SORCS2: variants seen among roughly 807,000 people sequenced by gnomAD.
SORCS2 encodes the protein sortilin related VPS10 domain containing receptor 2.
In SORCS2, 100 loss-of-function variants were observed where a neutral mutation model predicts 141.6. The observed-to-expected ratio is 0.71, with a 90% CI of 0.60 to 0.83. The LOEUF (loss-of-function observed/expected upper bound fraction) is 0.83. Among genes scored for constraint, SORCS2 ranks in the 40% least tolerant of loss-of-function variants. The probability of loss-of-function intolerance (pLI) is 0.00; values close to 1 mark genes in which losing one functional copy is unlikely to be tolerated. For missense variants in SORCS2, 1,646 were observed against 1,560.2 expected (o/e 1.05, Z -0.93); for synonymous variants, 789 against 676.9 (o/e 1.17, Z -2.57).
At chr4:7,733,462 G>T in intron 24 of SORCS2, 41 bp downstream of exon 24, 1 of 1,485,218 alleles carries the variant, frequency 6.7e-7, no homozygotes, top group South Asian at 1.2e-5. Context: ...GGTGGAGGAG[G>T]CATCCGGGCC....
chr4:7,672,401 T>G (rs906761243), intron 8 of SORCS2, among the ~76,000 whole-genome samples: 1 of 152,228 alleles, frequency 6.6e-6, no homozygotes, highest in Admixed American at 6.5e-5. Flanking sequence ...CTGAAAGAAT[T>G]TGATGAAGGT....
At chr4:7,215,150 G>A (rs80024632) in intron 1 of SORCS2, among the ~76,000 whole-genome samples, 48,009 of 151,906 alleles carry the variant, frequency 0.32, 8,304 homozygotes, top group Non-Finnish European at 0.39. Context: ...AGCGGGAACC[G>A]GGGCTGTGTG....
chr4:7,399,702 T>A (rs6835535), intron 2 of SORCS2, among the ~76,000 whole-genome samples: 22,355 of 152,064 alleles, frequency 0.15, 1,785 homozygotes, highest in Non-Finnish European at 0.18. Context: ...GGTCTTGCCC[T>A]CACAAGCCAC....
Position 7,226,331 on chromosome 4 carries a change from G to A in SORCS2, c.480+33205G>A, listed in dbSNP as rs550000673. Among the ~76,000 whole-genome samples, 99 of 152,230 alleles carry A rather than the reference G, an allele frequency of 6.5e-4. No individual in the cohort carries two copies. The Middle Eastern group carries it at 0.01, about 16-fold the overall frequency. ...GGAGCAGAGCCTGGATTGGAACCTG[G>A]GCCTGTCTGACCTCAAGCCTGGCCT... On this transcript the variant is annotated intron_variant, in intron 1 of 26. Transcript: ENST00000507866.
At chr4:7,647,477 G>T (rs531670846) in intron 4 of SORCS2, among the ~76,000 whole-genome samples, 103 of 152,264 alleles carry the variant, frequency 6.8e-4, no homozygotes, top group Non-Finnish European at 1.3e-3. Flanking sequence ...TGAAGACACC[G>T]TGGAGGCGGG....
At chr4:7,387,822 A>G (rs1311234037) in intron 1 of SORCS2, among the ~76,000 whole-genome samples, 1 of 151,322 alleles carries the variant, frequency 6.6e-6, no homozygotes, top group Non-Finnish European at 1.5e-5. Flanking sequence ...AGATACAGAG[A>G]TACACATGCA....
intron 1 of SORCS2, among the ~76,000 whole-genome samples, chr4:7,362,685 A>G (rs1474088878): frequency 6.6e-6 from 1 of 151,718 alleles, no homozygotes; most frequent in Admixed American, 6.6e-5. Context: ...CATGACTGCC[A>G]TCACCATCTC....
Position 7,667,155 on chromosome 4 carries a change from T to C in SORCS2, c.1103T>C (p.Val368Ala), listed in dbSNP as rs1381916041. 9 of 1,613,714 alleles carry C rather than the reference T, an allele frequency of 5.6e-6. No homozygotes were observed. The highest frequency in any genetic ancestry group is 6.8e-6 in the Non-Finnish European group (8 of 1,179,654). The change falls in exon 8 of 27, where the codon GTC (valine) becomes GCC (alanine). Residue 368 changes from valine to alanine, a missense_variant. Coordinates refer to ENST00000507866, the MANE Select transcript of SORCS2 (RefSeq NM_020777.3). ...TCAGCAAACCAGACAAAATACTACG[T>C]CTCTTATCGTCGAAATGAATTTGTC... ...ATSANQTKYY[V>A]SYRRNEFVLM... is the part of the protein sequence containing the mutation.
intron 2 of SORCS2, among the ~76,000 whole-genome samples, chr4:7,416,476 A>T (rs1180817703): frequency 1.3e-5 from 2 of 152,270 alleles, no homozygotes; most frequent in African/African-American, 4.8e-5. Flanking sequence ...GTGCATACAC[A>T]CACTCATGCA....
intron 1 of SORCS2, among the ~76,000 whole-genome samples, chr4:7,337,830 C>T (rs10030975): frequency 0.32 from 48,795 of 152,072 alleles, 8,158 homozygotes; most frequent in East Asian, 0.53. Flanking sequence ...CTTCCCCCTG[C>T]CACTCCCAGC....
intron 1 of SORCS2, among the ~76,000 whole-genome samples, chr4:7,214,043 T>A (rs1027278971): frequency 6.6e-6 from 1 of 152,182 alleles, no homozygotes; most frequent in Non-Finnish European, 1.5e-5. Context: ...CTGGGGTGTC[T>A]GTTTACAGGA....
intron 2 of SORCS2, among the ~76,000 whole-genome samples, chr4:7,462,291 C>T (rs1051229396): frequency 1.3e-5 from 2 of 152,192 alleles, no homozygotes; most frequent in African/African-American, 2.4e-5. Flanking sequence ...CACCTGTGAG[C>T]GGGAGATGTG....
intron 1 of SORCS2, among the ~76,000 whole-genome samples, chr4:7,209,531 G>A (rs1294512475): frequency 2.0e-5 from 3 of 152,154 alleles, no homozygotes; most frequent in Non-Finnish European, 4.4e-5. Flanking sequence ...TTCTGTGGCC[G>A]GCTCCATGGT....
chr4:7,354,803 C>T (rs1021089904), intron 1 of SORCS2, among the ~76,000 whole-genome samples: 2 of 152,170 alleles, frequency 1.3e-5, no homozygotes, highest in Middle Eastern at 3.2e-3. Context: ...ACTGAAAATC[C>T]GAACCCCAGA....
chr4:7,631,892 C>T (rs1048271179), intron 3 of SORCS2, among the ~76,000 whole-genome samples: 1 of 152,168 alleles, frequency 6.6e-6, no homozygotes, highest in African/African-American at 2.4e-5. Flanking sequence ...AGGGATCTCC[C>T]TAGACTCTTC....
intron 1 of SORCS2, among the ~76,000 whole-genome samples, chr4:7,327,570 C>A (rs77769964): frequency 0.01 from 1,545 of 152,372 alleles, 24 homozygotes; most frequent in African/African-American, 0.036. Context: ...GCTGGTCTCC[C>A]GGCTGCGTGG....
At chr4:7,654,049 C>A in intron 4 of SORCS2, 85 bp from the exon 5 acceptor site, 2 of 1,220,342 alleles carry the variant, frequency 1.6e-6, no homozygotes, top group Non-Finnish European at 1.2e-6. Flanking sequence ...GGGGGATCTG[C>A]TGTGGTGAAG....
intron 1 of SORCS2, among the ~76,000 whole-genome samples, chr4:7,369,966 G>T (rs1045034768): frequency 6.6e-6 from 1 of 152,188 alleles, no homozygotes; most frequent in Admixed American, 6.5e-5. Context: ...GTGACCTTGG[G>T]TAGGTTATTC....
chr4:7,500,648 C>A (rs1181496833), intron 2 of SORCS2, among the ~76,000 whole-genome samples: 1 of 120,740 alleles, frequency 8.3e-6, no homozygotes, highest in African/African-American at 5.1e-5. Context: ...GGAGAAATAA[C>A]CACAGAGAGC....
Sources: gnomAD v4.1 joint callset for allele counts (sites outside exome capture counted in the v4.1 genomes callset) on GRCh38, gnomAD v4.1.1 for gene constraint, MANE v1.5 for transcripts, NCBI Gene and HGNC (gene_info 2026-07-23, HGNC 2026-07-21) for gene names.